KIAA1217: variants seen among roughly 807,000 people sequenced by gnomAD.
The protein encoded by KIAA1217 is sickle tail protein homolog.
KIAA1217 carries 88 observed loss-of-function variants against 163.9 expected under a neutral mutation model. The observed-to-expected ratio is 0.54, with a 90% CI of 0.45 to 0.64. KIAA1217 has a LOEUF of 0.64. KIAA1217 is among the 30% of genes least tolerant of loss of function. The probability of loss-of-function intolerance (pLI) is 0.00; values close to 1 mark genes in which losing one functional copy is unlikely to be tolerated. For missense variants in KIAA1217, 2,372 were observed against 2,475.0 expected, an observed-to-expected ratio of 0.96 and a Z score of 0.88; for synonymous variants, 903 against 923.1, an observed-to-expected ratio of 0.98 and a Z score of 0.39.
intron 2 of KIAA1217, among the ~76,000 whole-genome samples, chr10:24,134,254 G>A (rs1395835379): frequency 6.6e-6 from 1 of 152,158 alleles, no homozygotes; most frequent in African/African-American, 2.4e-5. Flanking sequence ...GCATTGTTAA[G>A]GGCATTTTAG....
intron 1 of KIAA1217, among the ~76,000 whole-genome samples, chr10:23,765,702 G>A (rs982459286): frequency 3.9e-5 from 6 of 152,094 alleles, no homozygotes; most frequent in African/African-American, 7.2e-5. Context: ...CAGATCCCCC[G>A]ATCAGCGCTC....
Position 24,239,225 on chromosome 10 carries a change from T to G in KIAA1217, c.354+19316T>G, listed in dbSNP as rs371534336. ...AAAACAGCCCAGACATGGAGGGGGGTTTTACCTGACAGCTCCGAAGGAAGA... is the reference window on the plus strand; with the variant it reads ...AAAACAGCCCAGACATGGAGGGGGGGTTTACCTGACAGCTCCGAAGGAAGA... On this transcript the variant is annotated intron_variant, in intron 2 of 20. Transcript: ENST00000376454. The G allele has an allele frequency of 5.6e-4, 547 of 984,416 alleles. 2 individuals carry two copies. The African/African-American group carries it at 9.1e-3, about 16-fold the overall frequency. 61.0% of individuals were successfully genotyped at this position (984,416 alleles called of 1,614,324 possible). A position where few individuals can be genotyped will look rare whatever the true frequency, so the allele number is the denominator to read the frequency against.
chr10:24,506,968 C>T (rs1163037542), intron 9 of KIAA1217, among the ~76,000 whole-genome samples: 5 of 152,202 alleles, frequency 3.3e-5, no homozygotes, highest in African/African-American at 9.6e-5. Flanking sequence ...GAAACTAAGT[C>T]GGGGGCTGTA....
intron 2 of KIAA1217, among the ~76,000 whole-genome samples, chr10:24,118,183 G>C (rs1455990498): frequency 1.3e-5 from 2 of 151,820 alleles, no homozygotes; most frequent in Admixed American, 6.6e-5. Context: ...CGAAAGTCAT[G>C]GGAAAGAAGA....
intron 1 of KIAA1217, among the ~76,000 whole-genome samples, chr10:23,909,718 A>G (rs765773650): frequency 5.9e-5 from 9 of 152,078 alleles, no homozygotes; most frequent in Non-Finnish European, 2.9e-5. Flanking sequence ...GCTGGTTCCA[A>G]GTCTTTGCTA....
At chr10:24,211,135 T>C (rs551118394) in intron 1 of KIAA1217, among the ~76,000 whole-genome samples, 1 of 151,972 alleles carries the variant, frequency 6.6e-6, no homozygotes, top group African/African-American at 2.4e-5. Flanking sequence ...AAACTGTAAA[T>C]AGGATTATTA....
chr10:23,890,841 A>G (rs1480392823), intron 1 of KIAA1217, among the ~76,000 whole-genome samples: 4 of 152,034 alleles, frequency 2.6e-5, no homozygotes, highest in African/African-American at 9.7e-5. Flanking sequence ...CTAACAGAGC[A>G]ATAATAAAAA....
chr10:24,198,545 G>A (rs113067515), intron 2 of KIAA1217, among the ~76,000 whole-genome samples: 1,972 of 149,920 alleles, frequency 0.013, 39 homozygotes, highest in African/African-American at 0.046. Context: ...AGAGGCAGAG[G>A]TTGCAGTGAG....
chr10:23,871,168 A>G (rs1312267895), intron 1 of KIAA1217, among the ~76,000 whole-genome samples: 1 of 152,014 alleles, frequency 6.6e-6, no homozygotes, highest in Admixed American at 6.6e-5. Context: ...TGGAGTTTTC[A>G]TCTATAGTGT....
chr10:24,241,850 G>A (rs1055266237), intron 2 of KIAA1217, among the ~76,000 whole-genome samples: 1 of 152,136 alleles, frequency 6.6e-6, no homozygotes, highest in African/African-American at 2.4e-5. Context: ...GTTTTTCCAT[G>A]TCAGACTATT....
chr10:24,366,032 C>T (rs997566950), intron 2 of KIAA1217, among the ~76,000 whole-genome samples: 21 of 152,184 alleles, frequency 1.4e-4, no homozygotes, highest in African/African-American at 4.8e-4. Flanking sequence ...CTATGGCACC[C>T]CACTGGCAGA....
At position 23,856,742 on chromosome 10, in the gene KIAA1217, T is replaced by C. The variant is rs557517620; in HGVS notation, c.-320-150483T>C. ...GGCGCCCCTCCCCCAGCCTCGCTGCTGCCTTGCAGTTTGATCTCAGACTGC... is the reference window on the plus strand; with the variant it reads ...GGCGCCCCTCCCCCAGCCTCGCTGCCGCCTTGCAGTTTGATCTCAGACTGC... On this transcript the variant is annotated intron_variant, in intron 1 of 18. Coordinates refer to the KIAA1217 transcript ENST00000376462. Among the ~76,000 whole-genome samples the C allele has an allele frequency of 1.9e-3, 297 of 152,378 alleles. 1 individual carries two copies. The highest frequency in any genetic ancestry group is 6.7e-3 in the African/African-American group (279 of 41,596).
intron 5 of KIAA1217, among the ~76,000 whole-genome samples, chr10:24,460,734 T>C (rs969582993): frequency 2.6e-5 from 4 of 152,154 alleles, no homozygotes; most frequent in African/African-American, 9.7e-5. Context: ...TAATAGAACC[T>C]ACACATATCC....
At chr10:23,757,130 T>A (rs1833959527) in intron 1 of KIAA1217, among the ~76,000 whole-genome samples, 1 of 152,206 alleles carries the variant, frequency 6.6e-6, no homozygotes, top group Admixed American at 6.5e-5. Flanking sequence ...TGCTGATGAA[T>A]GCGTGGGTTC....
At chr10:24,183,342 C>T (rs1564800180) in intron 2 of KIAA1217, among the ~76,000 whole-genome samples, 2 of 152,066 alleles carry the variant, frequency 1.3e-5, no homozygotes, top group African/African-American at 2.4e-5. Flanking sequence ...AGCCAAATTT[C>T]CAAAAAAGAG....
intron 2 of KIAA1217, among the ~76,000 whole-genome samples, chr10:24,098,939 G>A (rs949299153): frequency 6.6e-6 from 1 of 152,104 alleles, no homozygotes; most frequent in Admixed American, 6.5e-5. Flanking sequence ...AGCTGTGATT[G>A]CACCACTATA....
intron 1 of KIAA1217, among the ~76,000 whole-genome samples, chr10:23,928,817 G>A (rs192916483): frequency 1.6e-3 from 239 of 152,262 alleles, no homozygotes; most frequent in Admixed American, 3.2e-3. Context: ...ATTTTGTTTT[G>A]TTCACTTCCA....
At chr10:24,427,519 G>T (rs1164661971) in intron 3 of KIAA1217, among the ~76,000 whole-genome samples, 1 of 152,180 alleles carries the variant, frequency 6.6e-6, no homozygotes, top group Non-Finnish European at 1.5e-5. Context: ...TAGGCAAATT[G>T]CTTGGACTTT....
chr10:24,259,555 C>T (rs904371827), intron 2 of KIAA1217, among the ~76,000 whole-genome samples: 2 of 152,178 alleles, frequency 1.3e-5, no homozygotes, highest in Non-Finnish European at 2.9e-5. Context: ...GTTGCAGATG[C>T]GATGAGCTAT....
Sources: gnomAD v4.1 joint callset for allele counts (sites outside exome capture counted in the v4.1 genomes callset) on GRCh38, gnomAD v4.1.1 for gene constraint, MANE v1.5 for transcripts, NCBI Gene and HGNC (gene_info 2026-07-23, HGNC 2026-07-21) for gene names.